The following SLCO4A1 variants were observed in gnomAD, a reference collection of about 807,000 sequenced individuals.
SLCO4A1 encodes colon organic anion transporter.
SLCO4A1 carries 51 observed loss-of-function variants against 64.6 expected under a neutral mutation model. That is an observed-to-expected ratio of 0.79 (90% CI 0.63 to 1.00). The LOEUF is 1.00. Among genes scored for constraint, SLCO4A1 ranks in the 50% least tolerant of loss-of-function variants. SLCO4A1 has a pLI of 0.00. For synonymous variants in SLCO4A1, 471 were observed against 444.9 expected (o/e 1.06, Z -0.74); for missense variants, 919 against 980.5 (o/e 0.94, Z 0.84).
downstream of SLCO4A1, among the ~76,000 whole-genome samples, chr20:62,673,272 G>A (rs924038698): frequency 3.1e-5 from 4 of 129,878 alleles, no homozygotes; most frequent in Admixed American, 7.3e-5. Flanking sequence ...ACCCTAGAGG[G>A]AGTACAGGGG....
intron 2 of SLCO4A1, among the ~76,000 whole-genome samples, chr20:62,683,711 G>T (rs1158272037): frequency 6.6e-6 from 1 of 152,208 alleles, no homozygotes; most frequent in African/African-American, 2.4e-5. Context: ...GCGACACCAT[G>T]TGGCCTCGGA....
intron 5 of SLCO4A1, among the ~76,000 whole-genome samples, chr20:62,662,614 A>T (rs560310851): frequency 5.3e-5 from 8 of 152,356 alleles, no homozygotes; most frequent in African/African-American, 1.9e-4. Flanking sequence ...GCAATCAGTG[A>T]TTAAGAAATG....
chr20:62,657,560 C>T (rs550135294), intron 2 of SLCO4A1, among the ~76,000 whole-genome samples: 34 of 152,388 alleles, frequency 2.2e-4, no homozygotes, highest in African/African-American at 7.0e-4. Context: ...AGTCACTAGG[C>T]GCTGGGTGGC....
At chr20:62,665,112 T>G (rs1284850085) in intron 6 of SLCO4A1, 24 bp downstream of exon 6, 2 of 1,591,258 alleles carry the variant, frequency 1.3e-6, no homozygotes, top group Non-Finnish European at 1.7e-6. Context: ...ATCTTGGGGG[T>G]CCTCTGCTTT....
intron 6 of SLCO4A1, 180 bp downstream of exon 6, chr20:62,665,268 G>A (rs1051965091): frequency 6.0e-5 from 38 of 637,822 alleles, no homozygotes; most frequent in South Asian, 8.5e-5. Flanking sequence ...TCCACAGGCC[G>A]GGAGAGTGGT....
chr20:62,643,197 T>C (rs913659450), intron 1 of SLCO4A1: 30 of 352,960 alleles, frequency 8.5e-5, no homozygotes, highest in Middle Eastern at 1.4e-3. Flanking sequence ...CCACGCGACG[T>C]CCTGGCCGTG....
rs191285559 is a variant in SLCO4A1 at position 62,682,539 on chromosome 20, C to T, written n.212-2902C>T. Among the ~76,000 whole-genome samples the T allele has an allele frequency of 4.3e-3, 655 of 152,308 alleles. 2 individuals are homozygous for T. The highest frequency in any genetic ancestry group is 7.3e-3 in the Non-Finnish European group (499 of 68,030). On this transcript the variant is annotated intron_variant and non_coding_transcript_variant, in intron 2 of 2. Transcript: ENST00000466818. ...CCACGGAGGGGACTGAGGCTCTCCACTCAGGGGGATAGTGGGACATTCCAT... is the reference window on the plus strand; with the variant it reads ...CCACGGAGGGGACTGAGGCTCTCCATTCAGGGGGATAGTGGGACATTCCAT...
chr20:62,652,415 G>C (rs1204413162), intron 1 of SLCO4A1, among the ~76,000 whole-genome samples: 1 of 151,726 alleles, frequency 6.6e-6, no homozygotes, highest in Non-Finnish European at 1.5e-5. Flanking sequence ...CTGTTTCGGC[G>C]GCCGGCGGCC....
At chr20:62,671,657 G>A (rs1334216572) in intron 11 of SLCO4A1, 93 bp from the exon 12 acceptor site, 11 of 1,217,122 alleles carry the variant, frequency 9.0e-6, no homozygotes, top group Non-Finnish European at 1.0e-5. Flanking sequence ...GGTGCTGCAG[G>A]CTGGGGCAGG....
intron 11 of SLCO4A1, 54 bp downstream of exon 11, chr20:62,669,132 T>A: frequency 6.4e-7 from 1 of 1,555,182 alleles, no homozygotes; most frequent in Non-Finnish European, 8.8e-7. Context: ...GGCTGGGGGC[T>A]CCGAACATGC....
At chr20:62,653,398 T>C (rs1427486970) in intron 1 of SLCO4A1, among the ~76,000 whole-genome samples, 1 of 152,206 alleles carries the variant, frequency 6.6e-6, no homozygotes, top group Non-Finnish European at 1.5e-5. Flanking sequence ...GGCCTGACCA[T>C]GCTGGGCCCG....
intron 1 of SLCO4A1, among the ~76,000 whole-genome samples, chr20:62,655,091 G>GTT (rs1276146924): frequency 6.6e-6 from 1 of 152,252 alleles, no homozygotes; most frequent in Non-Finnish European, 1.5e-5. Context: ...GAGGTATTGG[G>GTT]GTCAAGGCTC....
intron 1 of SLCO4A1, among the ~76,000 whole-genome samples, chr20:62,643,585 C>G (rs866217287): frequency 1.3e-5 from 2 of 152,264 alleles, no homozygotes; most frequent in Non-Finnish European, 2.9e-5. Context: ...CACATCCATG[C>G]AACCAGCTTG....
chr20:62,643,043 A>G, intron 1 of SLCO4A1: 1 of 469,550 alleles, frequency 2.1e-6, no homozygotes, highest in Non-Finnish European at 4.4e-6. Flanking sequence ...CGAGTCAAGG[A>G]GGAAACCTTC....
At chr20:62,678,787 G>A (rs903027235) in intron 2 of SLCO4A1, among the ~76,000 whole-genome samples, 2 of 152,182 alleles carry the variant, frequency 1.3e-5, no homozygotes, top group Non-Finnish European at 2.9e-5. Context: ...GCACCACGCT[G>A]AGCAAAAGAA....
downstream of SLCO4A1, among the ~76,000 whole-genome samples, chr20:62,688,771 A>G (rs1988142465): frequency 6.6e-6 from 1 of 152,232 alleles, no homozygotes; most frequent in Non-Finnish European, 1.5e-5. Flanking sequence ...GCCAGGAGGA[A>G]GGAGTCCCTC....
At chr20:62,673,162 C>T (rs1309187143), downstream of SLCO4A1, among the ~76,000 whole-genome samples, 1 of 141,072 alleles carries the variant, frequency 7.1e-6, no homozygotes, top group Non-Finnish European at 1.6e-5. Context: ...CAGGGAGGGG[C>T]ATGGGGGGGG....
intron 7 of SLCO4A1, among the ~76,000 whole-genome samples, chr20:62,667,079 G>A (rs1243519024): frequency 6.6e-6 from 1 of 152,254 alleles, no homozygotes; most frequent in East Asian, 1.9e-4. Context: ...GTGCAAGGCC[G>A]AGAAGCACAA....
Position 62,672,145 on chromosome 20 carries a change from A to T in SLCO4A1, c.*252A>T, listed in dbSNP as rs1036742994. 2.2e-5 allele frequency: 31 copies of T among 1,386,160 alleles called. No homozygotes were observed. In the South Asian group the frequency reaches 2.8e-4, roughly 13 times the overall value. The allele number at this position is 1,386,160 out of a possible 1,614,324, so 85.9% of individuals were successfully genotyped here. A position where few individuals can be genotyped will look rare whatever the true frequency, so the allele number is the denominator to read the frequency against. On this transcript the variant is annotated 3_prime_UTR_variant, in exon 12 of 12. Coordinates refer to ENST00000217159, the MANE Select transcript of SLCO4A1 (RefSeq NM_016354.4). The stretch of plus-strand genomic sequence containing the variant: ...AGAACGTGTTTATAGAATGTGTTTT[A>T]TACCCGATCGTGTGTGGTGTGCGTG...
Sources: allele counts gnomAD v4.1 joint callset (sites outside exome capture counted in the v4.1 genomes callset), GRCh38; gene constraint gnomAD v4.1.1; transcripts MANE v1.5; gene names NCBI Gene and HGNC (gene_info 2026-07-23, HGNC 2026-07-21).